ARL15: variants seen among roughly 807,000 people sequenced by gnomAD.
ARL15 encodes the protein ADP-ribosylation factor-like protein 15.
Under a neutral mutation model 25.2 loss-of-function variants are expected in ARL15, and 19 were observed. The ratio of observed to expected loss-of-function variants is 0.75; its 90% CI spans 0.53 to 1.10. ARL15 has a LOEUF of 1.10. Among genes scored for constraint, ARL15 ranks in the 50% least tolerant of loss-of-function variants. ARL15 has a pLI of 0.00. For missense variants in ARL15, 220 were observed against 246.0 expected (o/e 0.89, Z 0.71); for synonymous variants, 94 against 86.8 (o/e 1.08, Z -0.46).
intron 4 of ARL15, among the ~76,000 whole-genome samples, chr5:53,983,036 T>C (rs1280734728): frequency 1.3e-5 from 2 of 152,242 alleles, no homozygotes; most frequent in African/African-American, 4.8e-5. Context: ...AGTTGTTTAT[T>C]TTTTTCTTGT....
chr5:53,986,530 C>G (rs1312482959), intron 4 of ARL15, among the ~76,000 whole-genome samples: 1 of 152,184 alleles, frequency 6.6e-6, no homozygotes, highest in Admixed American at 6.5e-5. Flanking sequence ...AGGGTACAGC[C>G]TAGGAATCTG....
intron 4 of ARL15, among the ~76,000 whole-genome samples, chr5:54,008,848 T>C (rs1749135215): frequency 6.6e-6 from 1 of 152,228 alleles, no homozygotes; most frequent in Admixed American, 6.5e-5. Flanking sequence ...AGATAAAATG[T>C]CATTAACTGG....
At chr5:53,993,027 C>A (rs1401687028) in intron 4 of ARL15, among the ~76,000 whole-genome samples, 4 of 145,028 alleles carry the variant, frequency 2.8e-5, no homozygotes, top group African/African-American at 5.2e-5. Flanking sequence ...GCCCGGGCAA[C>A]AAGAGTAAAA....
intron 1 of ARL15, among the ~76,000 whole-genome samples, chr5:54,244,196 T>C (rs1757027179): frequency 6.6e-6 from 1 of 152,200 alleles, no homozygotes; most frequent in East Asian, 1.9e-4. Flanking sequence ...TAACTAATAA[T>C]GTACAAAATA....
intron 1 of ARL15, among the ~76,000 whole-genome samples, chr5:54,197,629 G>A (rs140865925): frequency 2.6e-5 from 4 of 152,214 alleles, no homozygotes; most frequent in Non-Finnish European, 5.9e-5. Flanking sequence ...CAGAGCATAA[G>A]GAGCTGAAAT....
chr5:54,044,538 C>T (rs961591243), intron 4 of ARL15, among the ~76,000 whole-genome samples: 6 of 152,076 alleles, frequency 3.9e-5, no homozygotes, highest in Admixed American at 3.9e-4. Flanking sequence ...ACCCACTGCA[C>T]CCGGCCAAAA....
chr5:54,042,387 T>C (rs1750370000), intron 4 of ARL15, among the ~76,000 whole-genome samples: 1 of 152,248 alleles, frequency 6.6e-6, no homozygotes, highest in Non-Finnish European at 1.5e-5. Context: ...GCCTATCTTG[T>C]CGGTATCATT....
At chr5:53,966,334 G>T (rs749739049) in intron 4 of ARL15, among the ~76,000 whole-genome samples, 2 of 152,140 alleles carry the variant, frequency 1.3e-5, no homozygotes, top group South Asian at 4.1e-4. Flanking sequence ...GAGACTCCAC[G>T]CCCCTTCCCT....
chr5:53,998,283 GA>G (rs11287179), intron 4 of ARL15, among the ~76,000 whole-genome samples: 47,165 of 116,440 alleles, frequency 0.41, 7,977 homozygotes, highest in African/African-American at 0.52. Context: ...GGGACATCAG[GA>G]AAAAAAAAAA....
chr5:54,306,964 C>T lies in ARL15; in HGVS notation c.48+3468G>A, dbSNP rs527923432. Among the ~76,000 whole-genome samples, 3 of 152,294 alleles carry T rather than the reference C, an allele frequency of 2.0e-5. 1 individual carries two copies. Among genetic ancestry groups the T allele is most frequent in the South Asian group, 4.1e-4 (2 of 4,826 alleles). Reference sequence around the variant, plus strand: ...ATGTGTTTTTCTCTTTCATTTTAACCTGACTATTTTCTCCTACCTTATCCA... The same window carrying T: ...ATGTGTTTTTCTCTTTCATTTTAACTTGACTATTTTCTCCTACCTTATCCA... On this transcript the variant is annotated intron_variant, in intron 1 of 4. Coordinates refer to ENST00000504924, the MANE Select transcript of ARL15 (RefSeq NM_019087.3).
intron 4 of ARL15, among the ~76,000 whole-genome samples, chr5:53,929,832 G>A (rs529675289): frequency 6.6e-6 from 1 of 152,122 alleles, no homozygotes; most frequent in East Asian, 1.9e-4. Flanking sequence ...GGGAAATAAA[G>A]GTACAGGACA....
chr5:54,237,571 G>A (rs190466284), intron 1 of ARL15, among the ~76,000 whole-genome samples: 28 of 152,272 alleles, frequency 1.8e-4, no homozygotes, highest in Admixed American at 7.8e-4. Context: ...AGCATTTTAT[G>A]TAAATTAGTA....
intron 1 of ARL15, among the ~76,000 whole-genome samples, chr5:54,236,407 G>GACACACACACACACACAC (rs72439978): frequency 7.1e-6 from 1 of 140,644 alleles, no homozygotes; most frequent in Non-Finnish European, 1.6e-5. Context: ...ACTAAACACA[G>GACACACACACACACACAC]ACACACACAC....
At chr5:53,927,263 G>A (rs1746060044) in intron 4 of ARL15, among the ~76,000 whole-genome samples, 1 of 152,076 alleles carries the variant, frequency 6.6e-6, no homozygotes, top group South Asian at 2.1e-4. Context: ...CTGAAGAATG[G>A]AGCCTTGACA....
chr5:54,296,333 C>T (rs35952), intron 1 of ARL15, among the ~76,000 whole-genome samples: 109,646 of 152,100 alleles, frequency 0.72, 41,449 homozygotes, highest in Non-Finnish European at 0.84. Context: ...ATGCTTTATA[C>T]ACACATTAAC....
rs185282025 is a variant in ARL15 at position 54,059,431 on chromosome 5, C to T, written c.462+53771G>A. On this transcript the variant is annotated intron_variant, in intron 4 of 4. Transcript: ENST00000504924. ...TTAATTCAACATAGTGCACGGACTT[C>T]GATGTTCAAGTGACAGCTTAACCAG... 5.3e-3 allele frequency among the ~76,000 whole-genome samples: 802 copies of T among 152,256 alleles called. 3 individuals carry two copies. Among genetic ancestry groups the T allele is most frequent in the Admixed American group, 0.012 (179 of 15,300 alleles).
chr5:54,154,219 C>A (rs1219593601), intron 3 of ARL15, among the ~76,000 whole-genome samples: 2 of 152,198 alleles, frequency 1.3e-5, no homozygotes, highest in Admixed American at 1.3e-4. Flanking sequence ...TAAACACAAA[C>A]TACTCTAAAA....
intron 1 of ARL15, chr5:54,282,367 T>C (rs574438135): frequency 1.0e-6 from 1 of 985,456 alleles, no homozygotes; most frequent in African/African-American, 1.7e-5. Flanking sequence ...AAGAAATGTT[T>C]GTACCAAAGA....
chr5:54,130,261 A>T, intron 3 of ARL15, among the ~76,000 whole-genome samples: 1 of 152,352 alleles, frequency 6.6e-6, no homozygotes, highest in South Asian at 2.1e-4. Flanking sequence ...TAAAATGTTT[A>T]AAAATATTAA....
Sources: gnomAD v4.1 joint callset for allele counts (sites outside exome capture counted in the v4.1 genomes callset) on GRCh38, gnomAD v4.1.1 for gene constraint, MANE v1.5 for transcripts, NCBI Gene and HGNC (gene_info 2026-07-23, HGNC 2026-07-21) for gene names.